Variants in RNF182 observed in about 807,000 individuals in gnomAD.
RNF182 encodes ring finger protein 182.
RNF182 carries 15 observed loss-of-function variants against 14.4 expected under a neutral mutation model. The ratio of observed to expected loss-of-function variants is 1.04; its 90% CI spans 0.70 to 1.60. RNF182 has a LOEUF of 1.60. Among genes scored for constraint, RNF182 ranks in the 40% most tolerant of loss-of-function variants. The pLI, the probability that RNF182 is intolerant of heterozygous loss-of-function variation, is 0.00. For missense variants in RNF182, 268 were observed against 294.8 expected, an observed-to-expected ratio of 0.91 and a Z score of 0.67; for synonymous variants, 128 against 122.9, an observed-to-expected ratio of 1.04 and a Z score of -0.27.
intron 1 of RNF182, among the ~76,000 whole-genome samples, chr6:13,937,314 T>A (rs148992615): frequency 2.6e-5 from 4 of 152,334 alleles, no homozygotes; most frequent in African/African-American, 7.2e-5. Context: ...TTCCTTTGCC[T>A]TTTTCAGTTA....
chr6:13,977,269 G>A lies in RNF182; in HGVS notation c.150G>A (p.Lys50=), dbSNP rs1452752206. ...GGGTTTGTGCCAAATGCCTCTACAA[G>A]ATCATAGACTTTGGGGACTCCCCAC... ...CHRVCAKCLY[K]IIDFGDSPQG... Residue 50 remains lysine (K), a synonymous_variant, in exon 3 of 3, where the codon AAG becomes AAA. Transcript: ENST00000488300. 1.2e-6 allele frequency: 2 copies of A among 1,614,082 alleles called. No individual in the cohort carries two copies. Among genetic ancestry groups the A allele is most frequent in the African/African-American group, 2.7e-5 (2 of 74,924 alleles).
rs1210521606 is a variant in RNF182 at position 13,933,170 on chromosome 6, G to A, written c.-367+8147G>A. ...GGAGACTCCAAACCCTTCTTTTCAG[G>A]TAGTATTGATTTTTTAATCCTTAGA... On this transcript the variant is annotated intron_variant, in intron 1 of 2. Coordinates refer to ENST00000488300, the MANE Select transcript of RNF182 (RefSeq NM_152737.4). 5.3e-5 allele frequency among the ~76,000 whole-genome samples: 8 copies of A among 152,182 alleles called. No homozygotes were observed. The East Asian group carries it at 1.5e-3, about 29-fold the overall frequency.
rs1357058675 is a variant in RNF182, at chr6:13,978,835, AAC to A, written c.*973_*974del. The A allele has an allele frequency of 6.0e-6, 1 of 167,086 alleles. No individual in the cohort carries two copies. The highest frequency in any genetic ancestry group is 1.5e-5 in the Non-Finnish European group (1 of 68,110). 10.4% of individuals were successfully genotyped at this position (167,086 alleles called of 1,614,324 possible). ...CTGAATCTTATAACAATTCGAGGTG[AAC>A]TGTGGCAATGAAAACCAGAAACAGT... On this transcript the variant is annotated 3_prime_UTR_variant, in exon 3 of 3. Transcript: ENST00000488300.
chr6:13,930,129 A>G (rs372745461), intron 1 of RNF182, among the ~76,000 whole-genome samples: 3 of 74,218 alleles, frequency 4.0e-5, no homozygotes, highest in African/African-American at 7.8e-5. Context: ...ATATTTGGAA[A>G]ATATTCCAAA....
intron 1 of RNF182, among the ~76,000 whole-genome samples, chr6:13,948,722 T>TA (rs1251930232): frequency 9.2e-5 from 14 of 152,294 alleles, no homozygotes; most frequent in Non-Finnish European, 2.1e-4. Context: ...TGTTATAAAA[T>TA]AGAATCTCAG....
At chr6:13,928,801 A>C (rs902342484) in intron 1 of RNF182, among the ~76,000 whole-genome samples, 3 of 152,094 alleles carry the variant, frequency 2.0e-5, no homozygotes, top group Non-Finnish European at 4.4e-5. Context: ...AAAAGGTGTT[A>C]AAGAGATCAA....
At chr6:13,953,033 C>G (rs1241881252) in intron 1 of RNF182, among the ~76,000 whole-genome samples, 1 of 152,204 alleles carries the variant, frequency 6.6e-6, no homozygotes, top group East Asian at 1.9e-4. Context: ...AAAACTTAAA[C>G]TAAGAATGCT....
At position 13,978,171 on chromosome 6, in the gene RNF182, A is replaced by C. The variant is rs1760392659; in HGVS notation, c.*308A>C. Reference sequence around the variant, plus strand: ...AGACGGCAGGGGTGTGGTGTGTTATACTATAGGGAGAGCATGGATCCCTCC... The same window carrying C: ...AGACGGCAGGGGTGTGGTGTGTTATCCTATAGGGAGAGCATGGATCCCTCC... On this transcript the variant is annotated 3_prime_UTR_variant, in exon 3 of 3. Transcript: ENST00000488300. 1 of 271,738 alleles carries C rather than the reference A, an allele frequency of 3.7e-6. No individual in the cohort carries two copies. Among genetic ancestry groups the C allele is most frequent in the Non-Finnish European group, 7.5e-6 (1 of 133,396 alleles). 16.8% of individuals were successfully genotyped at this position (271,738 alleles called of 1,614,324 possible).
At chr6:13,958,623 TAAGCA>T (rs1759788148) in intron 1 of RNF182, among the ~76,000 whole-genome samples, 1 of 152,200 alleles carries the variant, frequency 6.6e-6, no homozygotes, top group Admixed American at 6.5e-5. Context: ...GCTAGAATGG[TAAGCA>T]ACATATTAGT....
chr6:13,963,966 T>A (rs1421890864), intron 1 of RNF182, among the ~76,000 whole-genome samples: 1 of 151,954 alleles, frequency 6.6e-6, no homozygotes, highest in Non-Finnish European at 1.5e-5. Flanking sequence ...TTAAAAAATT[T>A]GAAATTGAAG....
At chr6:13,932,723 C>T (rs1441198105) in intron 1 of RNF182, among the ~76,000 whole-genome samples, 4 of 152,154 alleles carry the variant, frequency 2.6e-5, no homozygotes, top group Non-Finnish European at 2.9e-5. Context: ...AATCACAAAG[C>T]TCATCTGTCA....
At chr6:13,975,559 A>G (rs1561789776) in intron 2 of RNF182, among the ~76,000 whole-genome samples, 1 of 152,228 alleles carries the variant, frequency 6.6e-6, no homozygotes, top group African/African-American at 2.4e-5. Flanking sequence ...TGCCACTGCT[A>G]TCCGTTACAC....
intron 1 of RNF182, among the ~76,000 whole-genome samples, chr6:13,966,341 C>G (rs1167669275): frequency 6.6e-6 from 1 of 152,038 alleles, no homozygotes; most frequent in African/African-American, 2.4e-5. Context: ...TCAAATAAAT[C>G]AAGTGAGGAG....
chr6:13,964,942 C>T (rs2113635641), intron 1 of RNF182, among the ~76,000 whole-genome samples: 1 of 152,274 alleles, frequency 6.6e-6, no homozygotes, highest in African/African-American at 2.4e-5. Context: ...TGTGTTTCAC[C>T]CTACTCATAG....
intron 1 of RNF182, among the ~76,000 whole-genome samples, chr6:13,971,403 T>G (rs1013236003): frequency 3.9e-5 from 6 of 152,184 alleles, no homozygotes; most frequent in Admixed American, 1.3e-4. Flanking sequence ...TGTGAAATTG[T>G]GAGTCCATTA....
At chr6:13,934,086 A>G (rs1012278637) in intron 1 of RNF182, among the ~76,000 whole-genome samples, 1 of 152,204 alleles carries the variant, frequency 6.6e-6, no homozygotes. Flanking sequence ...TATTTGCAGG[A>G]AAAGTATTTT....
At chr6:13,939,341 A>G (rs1759226191) in intron 1 of RNF182, among the ~76,000 whole-genome samples, 1 of 152,008 alleles carries the variant, frequency 6.6e-6, no homozygotes, top group African/African-American at 2.4e-5. Flanking sequence ...AATGAACACA[A>G]TATAGCTCTC....
chr6:13,974,778 C>T (rs1760282511), intron 2 of RNF182, among the ~76,000 whole-genome samples: 1 of 152,164 alleles, frequency 6.6e-6, no homozygotes, highest in Non-Finnish European at 1.5e-5. Context: ...TGTAATTTTG[C>T]CTAGTTATCT....
chr6:13,949,404 A>G lies in RNF182; in HGVS notation c.-367+24381A>G, dbSNP rs1759525845. 9.4e-5 allele frequency: 70 copies of G among 743,926 alleles called. 1 individual carries two copies. The South Asian group carries it at 9.7e-4, about 10-fold the overall frequency. The allele number at this position is 743,926 out of a possible 1,614,324, so 46.1% of individuals were successfully genotyped here. Reference sequence around the variant, plus strand: ...ACATTCATTTGTACACAAAAAGGCAAGAGAAAGACTGTGAAAGCTGTCATC... The same window carrying G: ...ACATTCATTTGTACACAAAAAGGCAGGAGAAAGACTGTGAAAGCTGTCATC... On this transcript the variant is annotated intron_variant, in intron 1 of 2. Transcript: ENST00000488300.
Sources: allele counts gnomAD v4.1 joint callset (sites outside exome capture counted in the v4.1 genomes callset), GRCh38; gene constraint gnomAD v4.1.1; transcripts MANE v1.5; gene names NCBI Gene and HGNC (gene_info 2026-07-23, HGNC 2026-07-21).